Variants in RERE observed in about 807,000 individuals in gnomAD.
RERE encodes arginine-glutamic acid dipeptide repeats protein.
Under a neutral mutation model 146.1 loss-of-function variants are expected in RERE, and 40 were observed. The observed-to-expected ratio is 0.27, with a 90% CI of 0.21 to 0.36. RERE has a LOEUF of 0.36. RERE is among the 10% of genes least tolerant of loss of function. The probability of loss-of-function intolerance (pLI) is 1.00; values close to 1 mark genes in which losing one functional copy is unlikely to be tolerated. For missense variants in RERE, 1,933 were observed against 2,138.7 expected (o/e 0.90, Z 1.90); for synonymous variants, 1,003 against 866.0 (o/e 1.16, Z -2.78).
At chr1:8,448,777 C>G (rs749968946) in intron 11 of RERE, among the ~76,000 whole-genome samples, 4 of 151,792 alleles carry the variant, frequency 2.6e-5, no homozygotes, top group Admixed American at 6.6e-5. Context: ...TGCACTGAGC[C>G]GAGATCACGC....
At chr1:8,455,276 C>G (rs183508653) in intron 11 of RERE, among the ~76,000 whole-genome samples, 2 of 152,204 alleles carry the variant, frequency 1.3e-5, no homozygotes, top group East Asian at 3.9e-4. Context: ...GGGTATCGCT[C>G]TGTCACCCAG....
intron 10 of RERE, among the ~76,000 whole-genome samples, chr1:8,492,342 C>A (rs960081447): frequency 2.6e-5 from 4 of 152,168 alleles, no homozygotes; most frequent in Admixed American, 6.5e-5. Flanking sequence ...GGGAATAAAT[C>A]ATATACATTC....
chr1:8,403,825 C>CTTTGTTTT (rs1643350149), intron 12 of RERE, among the ~76,000 whole-genome samples: 1 of 70,854 alleles, frequency 1.4e-5, no homozygotes, highest in Non-Finnish European at 2.5e-5. Context: ...AAAATCTTAG[C>CTTTGTTTT]TTTTTTTTTT....
intron 10 of RERE, among the ~76,000 whole-genome samples, chr1:8,488,434 C>A (rs961181640): frequency 6.6e-6 from 1 of 152,102 alleles, no homozygotes; most frequent in South Asian, 2.1e-4. Context: ...TTAGTAGAGA[C>A]GAGGTTTCAC....
intron 12 of RERE, among the ~76,000 whole-genome samples, chr1:8,388,530 A>G (rs560041805): frequency 5.3e-5 from 8 of 152,114 alleles, no homozygotes; most frequent in East Asian, 3.9e-4. Context: ...CTTGTTAGCC[A>G]GGATGGTCTC....
At position 8,391,802 on chromosome 1, in the gene RERE, G is replaced by A. The variant is rs1043073796; in HGVS notation, c.1285-25828C>T. ...TGTAATTCCAGCACTTTGGAAGGCC[G>A]AGACAGGTGGATCGCCTGAGGTCAG... On this transcript the variant is annotated intron_variant, in intron 12 of 22. Transcript: ENST00000400908. 3.3e-5 allele frequency among the ~76,000 whole-genome samples: 5 copies of A among 152,150 alleles called. No individual in the cohort carries two copies. The East Asian group carries it at 9.6e-4, about 29-fold the overall frequency.
In RERE at chr1:8,707,347, T is replaced by C. The variant is rs576672647; in HGVS notation, c.-144-50906A>G. Among the ~76,000 whole-genome samples the C allele has an allele frequency of 1.4e-4, 22 of 152,312 alleles. No individual in the cohort carries two copies. In the South Asian group the frequency reaches 4.4e-3, roughly 30 times the overall value. On this transcript the variant is annotated intron_variant, in intron 1 of 22. Coordinates refer to ENST00000400908, the MANE Select transcript of RERE (RefSeq NM_001042681.2). ...CCAGAAACATCACACAGGGGAAATG[T>C]GAAGGGGAACCTTAGCAATAGCTGA...
chr1:8,502,661 G>GA (rs906403408), intron 8 of RERE, among the ~76,000 whole-genome samples: 8 of 150,220 alleles, frequency 5.3e-5, no homozygotes, highest in African/African-American at 1.5e-4. Flanking sequence ...GAAGGGTGGG[G>GA]AAAAAATTGA....
At chr1:8,814,157 T>C (rs1222883888) in intron 1 of RERE, among the ~76,000 whole-genome samples, 1 of 152,206 alleles carries the variant, frequency 6.6e-6, no homozygotes, top group Admixed American at 6.5e-5. Flanking sequence ...TACACAACTT[T>C]AGAGATTACT....
chr1:8,557,100 T>C (rs1348577880), intron 5 of RERE, among the ~76,000 whole-genome samples: 1 of 151,920 alleles, frequency 6.6e-6, no homozygotes, highest in Non-Finnish European at 1.5e-5. Flanking sequence ...TTCATTGGTT[T>C]GTTGACTGTG....
At chr1:8,597,790 T>C (rs1646573638) in intron 4 of RERE, among the ~76,000 whole-genome samples, 1 of 152,182 alleles carries the variant, frequency 6.6e-6, no homozygotes, top group Non-Finnish European at 1.5e-5. Context: ...ACTGGATTTT[T>C]TTTTTTTAAT....
At chr1:8,805,665 A>C (rs1374563090) in intron 1 of RERE, among the ~76,000 whole-genome samples, 1 of 150,300 alleles carries the variant, frequency 6.7e-6, no homozygotes, top group East Asian at 2.0e-4. Context: ...AAAAAAAAAA[A>C]CAAAAACAAA....
intron 12 of RERE, chr1:8,381,084 A>G (rs1642433587): frequency 2.2e-6 from 1 of 452,064 alleles, no homozygotes. Context: ...ATGTGCTGTC[A>G]TCCACACCAC....
At position 8,656,478 on chromosome 1, in the gene RERE, A is replaced by G. The variant is rs1638307634; in HGVS notation, c.-144-37T>C. The stretch of plus-strand genomic sequence containing the variant: ...AAAAGAATGGTTTTAACGCTTTTTC[A>G]TATTTGTTTCCTAAAATAATGTTTT... On this transcript the variant is annotated intron_variant, in intron 1 of 22. Coordinates refer to ENST00000400908, the MANE Select transcript of RERE (RefSeq NM_001042681.2). The G allele has an allele frequency of 4.9e-6, 4 of 815,624 alleles. No individual in the cohort carries two copies. The Admixed American group carries it at 8.8e-5, about 18-fold the overall frequency. 50.5% of individuals were successfully genotyped at this position (815,624 alleles called of 1,614,324 possible).
At chr1:8,786,273 G>T in intron 1 of RERE, 1 of 980,074 alleles carries the variant, frequency 1.0e-6, no homozygotes, top group Non-Finnish European at 1.6e-6. Flanking sequence ...AAAATGGGTG[G>T]TTTTTCTTCA....
At chr1:8,640,888 T>A (rs996801197) in intron 2 of RERE, among the ~76,000 whole-genome samples, 2 of 152,214 alleles carry the variant, frequency 1.3e-5, no homozygotes, top group African/African-American at 4.8e-5. Context: ...TCCTCACTTT[T>A]TCTAGTATTT....
chr1:8,763,532 G>A (rs1456395609), intron 1 of RERE, among the ~76,000 whole-genome samples: 10 of 152,230 alleles, frequency 6.6e-5, no homozygotes, highest in African/African-American at 2.2e-4. Flanking sequence ...CCACTCAGGA[G>A]GCTAAGGCAG....
intron 1 of RERE, among the ~76,000 whole-genome samples, chr1:8,668,391 A>G (rs775251020): frequency 1.1e-4 from 16 of 152,182 alleles, no homozygotes; most frequent in Non-Finnish European, 1.9e-4. Flanking sequence ...GGTCAAGTGG[A>G]AGCTTCCGCT....
chr1:8,814,772 T>C (rs375531941), intron 1 of RERE, among the ~76,000 whole-genome samples: 68 of 152,354 alleles, frequency 4.5e-4, no homozygotes, highest in African/African-American at 1.6e-3. Context: ...AAATAAACCC[T>C]CTGGTTTAAT....
Sources: allele counts gnomAD v4.1 joint callset (sites outside exome capture counted in the v4.1 genomes callset), GRCh38; gene constraint gnomAD v4.1.1; transcripts MANE v1.5; gene names NCBI Gene and HGNC (gene_info 2026-07-23, HGNC 2026-07-21).